Variants in BCAS4 observed in about 807,000 individuals in gnomAD.
The protein encoded by BCAS4 is breast carcinoma amplified sequence 4.
BCAS4 carries 9 observed loss-of-function variants against 15.7 expected under a neutral mutation model. That is an observed-to-expected ratio of 0.57 (90% CI 0.34 to 1.00). The LOEUF (loss-of-function observed/expected upper bound fraction) is 1.00, where lower values mean the gene tolerates loss of function less well. Among genes scored for constraint, BCAS4 ranks in the 50% least tolerant of loss-of-function variants. BCAS4 has a pLI of 0.02. For synonymous variants in BCAS4, 101 were observed against 99.5 expected (o/e 1.02, Z -0.09); for missense variants, 225 against 239.1 (o/e 0.94, Z 0.39).
At chr20:50,876,352 G>C in intron 4 of BCAS4, 134 bp from the exon 5 acceptor site, 2 of 1,245,208 alleles carry the variant, frequency 1.6e-6, no homozygotes, top group South Asian at 1.4e-5. Flanking sequence ...GTCACAGGCA[G>C]TGCTGTCAGA....
chr20:50,818,891 C>T (rs2088175287), intron 2 of BCAS4, among the ~76,000 whole-genome samples: 2 of 152,132 alleles, frequency 1.3e-5, no homozygotes, highest in South Asian at 2.1e-4. Context: ...CTCTAGAAAT[C>T]GCCTCTAGAG....
chr20:50,835,922 C>CT (rs1180698817), intron 3 of BCAS4, among the ~76,000 whole-genome samples: 30 of 146,830 alleles, frequency 2.0e-4, no homozygotes, highest in South Asian at 4.3e-4. Flanking sequence ...CTTTTCTTTT[C>CT]TTTTTTTTTT....
At chr20:50,841,737 C>T (rs772692182) in intron 3 of BCAS4, 29 bp from the exon 4 acceptor site, 33 of 1,613,638 alleles carry the variant, frequency 2.0e-5, no homozygotes, top group African/African-American at 5.3e-5. Context: ...TGCACAGATG[C>T]GGCATCATGG....
In BCAS4 at chr20:50,819,650, G is replaced by T. The variant is rs569334649; in HGVS notation, c.162+1368G>T. The stretch of plus-strand genomic sequence containing the variant: ...GCAGAAATCCCAAGAGGACCTATAT[G>T]GTTTCTTCTCTTGAGTCAATTTTTA... On this transcript the variant is annotated intron_variant, in intron 2 of 4. Transcript: ENST00000371608. 2.6e-5 allele frequency among the ~76,000 whole-genome samples: 4 copies of T among 152,178 alleles called. No individual in the cohort carries two copies. In the South Asian group the frequency reaches 8.3e-4, roughly 32 times the overall value.
intron 2 of BCAS4, among the ~76,000 whole-genome samples, chr20:50,826,125 C>A (rs970242316): frequency 2.6e-5 from 4 of 152,186 alleles, no homozygotes; most frequent in African/African-American, 9.7e-5. Flanking sequence ...GTGCTCTGAC[C>A]TTGCCCTGGA....
chr20:50,817,909 T>A (rs1221364210), intron 1 of BCAS4, among the ~76,000 whole-genome samples: 1 of 152,098 alleles, frequency 6.6e-6, no homozygotes, highest in Non-Finnish European at 1.5e-5. Context: ...AGCCTCCGTG[T>A]CCTCATCTGT....
At chr20:50,862,452 T>G (rs747659362) in intron 4 of BCAS4, among the ~76,000 whole-genome samples, 1 of 151,734 alleles carries the variant, frequency 6.6e-6, no homozygotes, top group African/African-American at 2.4e-5. Flanking sequence ...GAAGAAAATG[T>G]CTTCATCAGG....
At chr20:50,807,748 G>GGTTTTCC (rs1468797506) in intron 1 of BCAS4, among the ~76,000 whole-genome samples, 76 of 152,128 alleles carry the variant, frequency 5.0e-4, no homozygotes, top group Non-Finnish European at 9.6e-4. Context: ...ACTTACGAGT[G>GGTTTTCC]AGAACATACG....
chr20:50,809,366 C>T (rs2088033310), intron 1 of BCAS4, among the ~76,000 whole-genome samples: 1 of 152,100 alleles, frequency 6.6e-6, no homozygotes, highest in South Asian at 2.1e-4. Flanking sequence ...TGCACTACCA[C>T]GGCTGGCTGA....
chr20:50,833,485 C>T (rs1364806507), intron 3 of BCAS4, among the ~76,000 whole-genome samples: 7 of 152,212 alleles, frequency 4.6e-5, no homozygotes, highest in Admixed American at 4.6e-4. Context: ...CTCTGGCCTC[C>T]ACTCACAAGA....
intron 3 of BCAS4, among the ~76,000 whole-genome samples, chr20:50,839,712 G>A (rs920750445): frequency 6.6e-6 from 1 of 152,200 alleles, no homozygotes; most frequent in East Asian, 1.9e-4. Flanking sequence ...CGCCATGCTG[G>A]CCAGGCTGGT....
intron 4 of BCAS4, among the ~76,000 whole-genome samples, chr20:50,872,983 G>A (rs6096137): frequency 0.47 from 71,425 of 152,152 alleles, 20,223 homozygotes; most frequent in African/African-American, 0.81. Flanking sequence ...GGAAGCAGCT[G>A]TTCAATAATC....
At chr20:50,873,621 T>A (rs1197658797) in intron 4 of BCAS4, among the ~76,000 whole-genome samples, 2 of 152,230 alleles carry the variant, frequency 1.3e-5, no homozygotes, top group Non-Finnish European at 2.9e-5. Context: ...GCTGGAGATG[T>A]ATCTTGTGGC....
chr20:50,797,688 A>G (rs1381217612), intron 1 of BCAS4, among the ~76,000 whole-genome samples: 1 of 152,254 alleles, frequency 6.6e-6, no homozygotes, highest in East Asian at 1.9e-4. Context: ...TTTTTGAGAC[A>G]GAGTTTCACT....
At chr20:50,840,891 G>T (rs1465731225) in intron 3 of BCAS4, 2 of 681,918 alleles carry the variant, frequency 2.9e-6, no homozygotes, top group African/African-American at 1.8e-5. Context: ...CTGCAATGGC[G>T]CGATCTCAGC....
At chr20:50,797,253 A>G (rs574929734) in intron 1 of BCAS4, among the ~76,000 whole-genome samples, 8 of 152,328 alleles carry the variant, frequency 5.3e-5, no homozygotes, top group African/African-American at 1.9e-4. Flanking sequence ...ATGGGAAGGT[A>G]TGGGGCTTCG....
chr20:50,857,618 G>A (rs1219962883), intron 4 of BCAS4, among the ~76,000 whole-genome samples: 2 of 152,214 alleles, frequency 1.3e-5, no homozygotes, highest in East Asian at 1.9e-4. Flanking sequence ...AGTTTACTGC[G>A]CTGGATGAAG....
intron 1 of BCAS4, among the ~76,000 whole-genome samples, chr20:50,796,528 C>T (rs1477517675): frequency 1.6e-5 from 1 of 61,550 alleles, no homozygotes; most frequent in Non-Finnish European, 2.9e-5. Context: ...TGGAGTCTTG[C>T]TCTGTCACCA....
At chr20:50,795,228 G>GA in intron 1 of BCAS4, 55 bp downstream of exon 1, 2 of 1,286,752 alleles carry the variant, frequency 1.6e-6, no homozygotes, top group Non-Finnish European at 2.0e-6. Context: ...TAGGGGTCCG[G>GA]GCTCCGGACC....
Sources: gnomAD v4.1 joint callset for allele counts (sites outside exome capture counted in the v4.1 genomes callset) on GRCh38, gnomAD v4.1.1 for gene constraint, MANE v1.5 for transcripts, NCBI Gene and HGNC (gene_info 2026-07-23, HGNC 2026-07-21) for gene names.